The following RAB11FIP3 variants were observed in gnomAD, a reference collection of about 807,000 sequenced individuals.
RAB11FIP3 encodes RAB11 family interacting protein 3.
RAB11FIP3 carries 17 observed loss-of-function variants against 77.8 expected under a neutral mutation model. The ratio of observed to expected loss-of-function variants is 0.22; its 90% CI spans 0.15 to 0.33. The LOEUF is 0.33. Among genes scored for constraint, RAB11FIP3 ranks in the 10% least tolerant of loss-of-function variants. The pLI is 1.00. For synonymous variants in RAB11FIP3, 437 were observed against 448.2 expected, an observed-to-expected ratio of 0.98 and a Z score of 0.31; for missense variants, 1,005 against 1,011.2, an observed-to-expected ratio of 0.99 and a Z score of 0.08.
rs185581009 is a variant in RAB11FIP3, at chr16:493,079, T to C, written c.1266-3745T>C. Among the ~76,000 whole-genome samples, 17 of 152,102 alleles carry C rather than the reference T, an allele frequency of 1.1e-4. No homozygotes were observed. In the East Asian group the frequency reaches 2.5e-3, roughly 23 times the overall value. On this transcript the variant is annotated intron_variant, in intron 5 of 13. Transcript: ENST00000262305. ...CAGCCTGGCCAACATGGCGAAACCC[T>C]GTCTCTACTAAAAACATAAAAATTA...
chr16:515,317 G>A (rs577487683), intron 9 of RAB11FIP3, among the ~76,000 whole-genome samples: 22 of 152,370 alleles, frequency 1.4e-4, no homozygotes, highest in African/African-American at 5.3e-4. Context: ...GGACTCCAGG[G>A]TTAGAGGCGG....
chr16:426,543 G>C lies in RAB11FIP3; in HGVS notation c.537G>C (p.Gly179=). The C allele has an allele frequency of 6.4e-7, 1 of 1,570,728 alleles. No homozygotes were observed. The highest frequency in any genetic ancestry group is 8.6e-7 in the Non-Finnish European group (1 of 1,160,462). ...AGELALEQGP[G]SPPQPSDLSQ... ...AGCTGGCGCTGGAGCAAGGTCCCGG[G>C]TCCCCGCCGCAGCCCTCGGACCTCA... The change falls in exon 1 of 14, where the codon GGG becomes GGC. Residue 179 remains glycine (G), a synonymous_variant. Coordinates refer to ENST00000262305, the MANE Select transcript of RAB11FIP3 (RefSeq NM_014700.4). The surrounding 1 kb of genome is among the most constrained non-coding windows in gnomAD (Gnocchi z 5.0).
rs769980188 is a variant in RAB11FIP3, at chr16:492,490, C to CCG, written c.1265+3490_1265+3491insCG. 1.5e-3 allele frequency among the ~76,000 whole-genome samples: 141 copies of CCG among 93,346 alleles called. 6 individuals are homozygous for CCG. Among genetic ancestry groups the CCG allele is most frequent in the East Asian group, 9.1e-3 (23 of 2,540 alleles). The allele number at this position is 93,346 out of a possible 152,430, so 61.2% of individuals were successfully genotyped here. On this transcript the variant is annotated intron_variant, in intron 5 of 13. Transcript: ENST00000262305. Reference sequence around the variant, plus strand: ...GACCCGAGGCCGCCCAGGGCCCTCCCGGGAGACCCGAGGCCGCCCAGGGCC... The same window carrying CCG: ...GACCCGAGGCCGCCCAGGGCCCTCCCCGGGGAGACCCGAGGCCGCCCAGGGCC...
intron 1 of RAB11FIP3, among the ~76,000 whole-genome samples, chr16:427,441 T>C (rs1268883427): frequency 6.6e-6 from 1 of 152,192 alleles, no homozygotes; most frequent in African/African-American, 2.4e-5. Flanking sequence ...CTACGCACAG[T>C]ACAGTGTGGA....
chr16:467,126 C>CA lies in RAB11FIP3; in HGVS notation c.809-4166dup, dbSNP rs560499976. Among the ~76,000 whole-genome samples, 188 of 152,292 alleles carry CA rather than the reference C, an allele frequency of 1.2e-3. 1 individual carries two copies. The highest frequency in any genetic ancestry group is 4.3e-3 in the African/African-American group (179 of 41,558). On this transcript the variant is annotated intron_variant, in intron 2 of 13. Coordinates refer to ENST00000262305, the MANE Select transcript of RAB11FIP3 (RefSeq NM_014700.4). ...TGGCTTTCTAGTGGGAGACAGACCACAAAGTAAGGCAGGAGCTAGGGAGGC... is the reference window on the plus strand; with the variant it reads ...TGGCTTTCTAGTGGGAGACAGACCACAAAAGTAAGGCAGGAGCTAGGGAGGC...
intron 2 of RAB11FIP3, among the ~76,000 whole-genome samples, chr16:469,615 C>G (rs2055774885): frequency 6.6e-6 from 1 of 151,702 alleles, no homozygotes; most frequent in Admixed American, 6.6e-5. Flanking sequence ...GTCTAGAACT[C>G]CTGACCTTAA....
chr16:493,820 C>T (rs996922713), intron 5 of RAB11FIP3, among the ~76,000 whole-genome samples: 7 of 147,086 alleles, frequency 4.8e-5, no homozygotes, highest in African/African-American at 7.6e-5. Flanking sequence ...TCTCAATCTC[C>T]GGACCTCGTG....
In RAB11FIP3 at chr16:429,569, G is replaced by A. The variant is rs2055003458; in HGVS notation, c.714+2849G>A. On this transcript the variant is annotated intron_variant, in intron 1 of 13. Coordinates refer to ENST00000262305, the MANE Select transcript of RAB11FIP3 (RefSeq NM_014700.4). ...GGCTGGAGTGCAATGGTGTGATCTC[G>A]GCTCACTGCAACCTCTGCCTCCCGG... is the stretch of plus-strand genomic sequence containing the variant. Among the ~76,000 whole-genome samples, 3 of 150,300 alleles carry A rather than the reference G, an allele frequency of 2.0e-5. No homozygotes were observed. The South Asian group carries it at 6.3e-4, about 32-fold the overall frequency.
In RAB11FIP3 at chr16:426,753, T is replaced by G; in HGVS notation, c.714+33T>G. 2.1e-6 allele frequency: 3 copies of G among 1,448,166 alleles called. No individual in the cohort carries two copies. The highest frequency in any genetic ancestry group is 3.0e-5 in the South Asian group (2 of 66,724). The allele number at this position is 1,448,166 out of a possible 1,614,324, so 89.7% of individuals were successfully genotyped here. A position where few individuals can be genotyped will look rare whatever the true frequency, so the allele number is the denominator to read the frequency against. On this transcript the variant is annotated intron_variant, in intron 1 of 13. Transcript: ENST00000262305. The surrounding 1 kb of genome is among the most constrained non-coding windows in gnomAD (Gnocchi z 5.0). ...GCGGCCCGGGCCGGGGCGTGGGAAC[T>G]GGGCAGGTGCGCGCTGGCCGGCGGG...
At chr16:517,746 C>T (rs796467300) in intron 9 of RAB11FIP3, among the ~76,000 whole-genome samples, 3 of 152,236 alleles carry the variant, frequency 2.0e-5, no homozygotes, top group African/African-American at 7.2e-5. Flanking sequence ...GTGCAGGGCC[C>T]ACGGGGACTA....
intron 8 of RAB11FIP3, 48 bp from the exon 9 acceptor site, chr16:510,612 T>G: frequency 6.5e-7 from 1 of 1,542,178 alleles, no homozygotes; most frequent in South Asian, 1.2e-5. Flanking sequence ...GTGGAGCCAC[T>G]GCACACCCTG....
intron 1 of RAB11FIP3, among the ~76,000 whole-genome samples, chr16:457,368 T>C (rs1567367451): frequency 6.6e-6 from 1 of 152,210 alleles, no homozygotes; most frequent in Non-Finnish European, 1.5e-5. Context: ...TTCTCCACCA[T>C]GGTGTTTCTG....
At chr16:489,093 G>GAC (rs36120787) in intron 5 of RAB11FIP3, 93 bp downstream of exon 5, 1 of 1,406,952 alleles carries the variant, frequency 7.1e-7, no homozygotes, top group South Asian at 1.4e-5. Context: ...ATTGGTGAGA[G>GAC]AACTTGCTTT....
intron 9 of RAB11FIP3, among the ~76,000 whole-genome samples, chr16:516,753 C>T (rs529522706): frequency 2.0e-5 from 3 of 152,164 alleles, no homozygotes; most frequent in Non-Finnish European, 2.9e-5. Flanking sequence ...GGCGGCCGCC[C>T]GTAATCCCAG....
At position 471,167 on chromosome 16, in the gene RAB11FIP3, C is replaced by G. The variant is rs988792671; in HGVS notation, c.809-128C>G. On this transcript the variant is annotated intron_variant, in intron 2 of 13. Coordinates refer to ENST00000262305, the MANE Select transcript of RAB11FIP3 (RefSeq NM_014700.4). This position sits in a 1 kb window ranked among gnomAD's most constrained non-coding sequence, Gnocchi z 4.4. ...CACTCCCTTGCTTGTCTTGACCCCC[C>G]CCAGGGCCCCCAACTCCCACACATC... 1.6e-5 allele frequency: 12 copies of G among 733,990 alleles called. No individual in the cohort carries two copies. Among genetic ancestry groups the G allele is most frequent in the African/African-American group, 3.5e-5 (2 of 56,868 alleles). 45.5% of individuals were successfully genotyped at this position (733,990 alleles called of 1,614,324 possible).
At chr16:488,520 C>T (rs1042804928) in intron 4 of RAB11FIP3, among the ~76,000 whole-genome samples, 5 of 152,052 alleles carry the variant, frequency 3.3e-5, no homozygotes, top group Admixed American at 2.0e-4. Flanking sequence ...GCGATCTTCC[C>T]ACTTCAGCCT....
At chr16:433,772 C>T (rs1017634650) in intron 1 of RAB11FIP3, among the ~76,000 whole-genome samples, 2 of 150,086 alleles carry the variant, frequency 1.3e-5, no homozygotes, top group African/African-American at 2.5e-5. Context: ...AGGAGAATGG[C>T]GTGAACCTGG....
intron 3 of RAB11FIP3, among the ~76,000 whole-genome samples, chr16:475,768 T>A (rs2055892935): frequency 6.6e-6 from 1 of 152,134 alleles, no homozygotes; most frequent in Non-Finnish European, 1.5e-5. Context: ...CCGAAGCCGC[T>A]GAGGAGTGGA....
intron 1 of RAB11FIP3, among the ~76,000 whole-genome samples, chr16:438,404 C>CTTTTT (rs753481865): frequency 5.0e-5 from 6 of 118,828 alleles, no homozygotes; most frequent in Admixed American, 8.9e-5. Flanking sequence ...CTGCGTCCGG[C>CTTTTT]TTTTTTTTTT....
Sources: allele counts gnomAD v4.1 joint callset (sites outside exome capture counted in the v4.1 genomes callset), GRCh38; gene constraint gnomAD v4.1.1; non-coding constraint Gnocchi (gnomAD v3.1); transcripts MANE v1.5; gene names NCBI Gene and HGNC (gene_info 2026-07-23, HGNC 2026-07-21).